Variants in TINAG observed in about 807,000 individuals in gnomAD.
The protein encoded by TINAG is tubulointerstitial nephritis antigen.
A neutral mutation model predicts 72.7 loss-of-function variants in TINAG; 83 were observed. That is an observed-to-expected ratio of 1.14 (90% confidence interval 0.96 to 1.37). The LOEUF (loss-of-function observed/expected upper bound fraction) is 1.37, where lower values mean the gene tolerates loss of function less well. Among genes scored for constraint, TINAG ranks in the 40% most tolerant of loss-of-function variants. The probability of loss-of-function intolerance (pLI) is 0.00; values close to 1 mark genes in which losing one functional copy is unlikely to be tolerated. For synonymous variants in TINAG, 234 were observed against 189.9 expected, an observed-to-expected ratio of 1.23 and a Z score of -1.91; for missense variants, 685 against 576.6, an observed-to-expected ratio of 1.19 and a Z score of -1.93.
chr6:54,369,676 A>G (rs507257), intron 9 of TINAG, among the ~76,000 whole-genome samples: 4,468 of 152,048 alleles, frequency 0.029, 224 homozygotes, highest in African/African-American at 0.098. Flanking sequence ...AGAGTTAGCA[A>G]CAACTGTTAC....
chr6:54,351,046 A>G (rs1785254139), intron 7 of TINAG, among the ~76,000 whole-genome samples: 1 of 151,990 alleles, frequency 6.6e-6, no homozygotes, highest in Non-Finnish European at 1.5e-5. Context: ...ATCTCTTGTG[A>G]GAAAAAAATT....
intron 8 of TINAG, among the ~76,000 whole-genome samples, chr6:54,353,626 G>A (rs779368702): frequency 6.6e-6 from 1 of 151,614 alleles, no homozygotes; most frequent in Non-Finnish European, 1.5e-5. Flanking sequence ...CATCAGAAAA[G>A]GCATGGAACA....
At chr6:54,322,869 T>C (rs1355790064) in intron 3 of TINAG, among the ~76,000 whole-genome samples, 2 of 152,246 alleles carry the variant, frequency 1.3e-5, no homozygotes, top group African/African-American at 4.8e-5. Flanking sequence ...TGAGAGTATA[T>C]GTCATCTTGA....
At chr6:54,384,944 C>T (rs1453415896) in intron 10 of TINAG, among the ~76,000 whole-genome samples, 1 of 152,038 alleles carries the variant, frequency 6.6e-6, no homozygotes, top group Admixed American at 6.5e-5. Flanking sequence ...GTCCATAGGG[C>T]ATGTTCAATA....
intron 9 of TINAG, among the ~76,000 whole-genome samples, chr6:54,373,306 A>C (rs1488650938): frequency 6.6e-6 from 1 of 152,102 alleles, no homozygotes; most frequent in Non-Finnish European, 1.5e-5. Flanking sequence ...CTGTGAATGC[A>C]TGAAGGCCAC....
At chr6:54,372,752 AT>A (rs1763665813) in intron 9 of TINAG, among the ~76,000 whole-genome samples, 2 of 110,970 alleles carry the variant, frequency 1.8e-5, no homozygotes, top group African/African-American at 7.5e-5. Flanking sequence ...ATATATATAT[AT>A]ATATATATAT....
At chr6:54,308,355 T>C (rs891475624), upstream of TINAG, 5 of 634,160 alleles carry the variant, frequency 7.9e-6, no homozygotes, top group African/African-American at 1.8e-5. Context: ...ATTTCTAACA[T>C]ACATTATCTT....
At chr6:54,374,365 C>A (rs17748851) in intron 9 of TINAG, among the ~76,000 whole-genome samples, 6,042 of 152,128 alleles carry the variant, frequency 0.04, 179 homozygotes, top group Non-Finnish European at 0.063. Context: ...ATATATTGAA[C>A]CCTAGCTTGA....
chr6:54,389,745 A>G, intron 10 of TINAG, 46 bp from the exon 11 acceptor site: 1 of 1,550,646 alleles, frequency 6.4e-7, no homozygotes, highest in Non-Finnish European at 8.7e-7. Context: ...TTTAAAAAAT[A>G]CCAAAGTATG....
At chr6:54,375,287 C>T (rs1170812054) in intron 9 of TINAG, among the ~76,000 whole-genome samples, 1 of 152,028 alleles carries the variant, frequency 6.6e-6, no homozygotes, top group Non-Finnish European at 1.5e-5. Flanking sequence ...TTTCTTTGTT[C>T]TTAGGCTTAT....
At chr6:54,369,530 G>C (rs1389598760) in intron 9 of TINAG, among the ~76,000 whole-genome samples, 1 of 151,792 alleles carries the variant, frequency 6.6e-6, no homozygotes, top group Non-Finnish European at 1.5e-5. Context: ...TTAGAATCTT[G>C]TTATTAAGGT....
chr6:54,326,788 C>G lies in TINAG; in HGVS notation c.510-14C>G. 6.4e-7 allele frequency: 1 copy of G among 1,565,878 alleles called. No homozygotes were observed. The highest frequency in any genetic ancestry group is 1.2e-5 in the South Asian group (1 of 83,916). ...TATATATTTTTCTATATTTTTCTCT[C>G]ATTTGTAAGGCAGATGGACAGCACA... is the stretch of plus-strand genomic sequence containing the variant. On this transcript the variant is annotated splice_polypyrimidine_tract_variant and intron_variant, in intron 3 of 10. Transcript: ENST00000259782.
At position 54,308,817 on chromosome 6, in the gene TINAG, A is replaced by T. The variant is rs1284473139; in HGVS notation, c.267A>T (p.Arg89Ser). The part of the protein sequence containing the change: ...ALCYCDKFCD[R>S]ENSDCCPDYK... ...GCTACTGTGATAAATTCTGTGACAG[A>T]GAAAATTCTGATTGCTGTCCTGACT... Residue 89 changes from arginine to serine, a missense_variant, in exon 1 of 11, where the codon AGA becomes AGT. Coordinates refer to ENST00000259782, the MANE Select transcript of TINAG (RefSeq NM_014464.4). 1 of 1,613,712 alleles carries T rather than the reference A, an allele frequency of 6.2e-7. No homozygotes were observed. The highest frequency in any genetic ancestry group is 8.5e-7 in the Non-Finnish European group (1 of 1,179,892).
At position 54,308,536 on chromosome 6, in the gene TINAG, C is replaced by A; in HGVS notation, c.-15C>A. The A allele has an allele frequency of 1.3e-6, 2 of 1,593,296 alleles. No homozygotes were observed. The highest frequency in any genetic ancestry group is 2.3e-5 in the South Asian group (2 of 87,788). On this transcript the variant is annotated 5_prime_UTR_variant, in exon 1 of 11. Transcript: ENST00000259782. Reference sequence around the variant, plus strand: ...GATATAACGGAAAGTGGAAGCTATACCTGACTTCCAGAGAATGTGGACCGG... The same window carrying A: ...GATATAACGGAAAGTGGAAGCTATAACTGACTTCCAGAGAATGTGGACCGG...
intron 10 of TINAG, among the ~76,000 whole-genome samples, chr6:54,385,370 T>C (rs1221651816): frequency 6.6e-6 from 1 of 152,036 alleles, no homozygotes; most frequent in Admixed American, 6.6e-5. Context: ...ATTAAAAAGT[T>C]ATGCCAGTAT....
intron 1 of TINAG, among the ~76,000 whole-genome samples, chr6:54,310,046 C>T (rs778403272): frequency 6.6e-6 from 1 of 150,440 alleles, no homozygotes; most frequent in Non-Finnish European, 1.5e-5. Flanking sequence ...CCATCCTTCT[C>T]TCCCTTTCTT....
intron 9 of TINAG, among the ~76,000 whole-genome samples, chr6:54,358,229 G>A (rs1763115400): frequency 6.6e-6 from 1 of 151,714 alleles, no homozygotes; most frequent in Admixed American, 6.6e-5. Flanking sequence ...CAGCAATCCT[G>A]ATCCCCCTAC....
At chr6:54,375,127 C>T (rs1018284332) in intron 9 of TINAG, among the ~76,000 whole-genome samples, 1 of 152,080 alleles carries the variant, frequency 6.6e-6, no homozygotes. Context: ...CTTCTAACTC[C>T]AGATTCTTAG....
chr6:54,336,898 C>G (rs897780040), intron 4 of TINAG, among the ~76,000 whole-genome samples: 1 of 152,094 alleles, frequency 6.6e-6, no homozygotes, highest in South Asian at 2.1e-4. Context: ...CTAACCAGAA[C>G]AGCATCCTTT....
Sources: gnomAD v4.1 joint callset for allele counts (sites outside exome capture counted in the v4.1 genomes callset) on GRCh38, gnomAD v4.1.1 for gene constraint, MANE v1.5 for transcripts, NCBI Gene and HGNC (gene_info 2026-07-23, HGNC 2026-07-21) for gene names.